PACSIN2: variants seen among roughly 807,000 people sequenced by gnomAD.
PACSIN2 encodes the protein protein kinase C and casein kinase substrate in neurons 2.
In PACSIN2, 25 loss-of-function variants were observed where a neutral mutation model predicts 63.8. That is an observed-to-expected ratio of 0.39 (90% CI 0.29 to 0.55). The LOEUF is 0.55. Among genes scored for constraint, PACSIN2 ranks in the 20% least tolerant of loss-of-function variants. PACSIN2 has a pLI of 0.62. For synonymous variants in PACSIN2, 255 were observed against 256.2 expected, an observed-to-expected ratio of 1.00 and a Z score of 0.05; for missense variants, 518 against 646.9, an observed-to-expected ratio of 0.80 and a Z score of 2.16.
Position 42,961,266 on chromosome 22 carries a change from TA to T in PACSIN2, c.-77-49110del, listed in dbSNP as rs752115968. 1.1e-4 allele frequency among the ~76,000 whole-genome samples: 17 copies of T among 152,290 alleles called. No individual in the cohort carries two copies. In the East Asian group the frequency reaches 2.7e-3, roughly 24 times the overall value. On this transcript the variant is annotated intron_variant, in intron 1 of 10. Transcript: ENST00000263246. ...TCTTACCTTATAACACAAAACGAAG[TA>T]GGTTAAAAATCTCTTTTGAAAATCT...
At chr22:42,974,784 G>T (rs560742536) in intron 1 of PACSIN2, among the ~76,000 whole-genome samples, 83 of 140,400 alleles carry the variant, frequency 5.9e-4, no homozygotes, top group African/African-American at 2.6e-3. Context: ...AAGAGAAGAA[G>T]GAGGAGGAGG....
chr22:42,957,578 G>A (rs1020715129), intron 1 of PACSIN2, among the ~76,000 whole-genome samples: 25 of 152,150 alleles, frequency 1.6e-4, no homozygotes, highest in African/African-American at 5.8e-4. Flanking sequence ...AATGATTCTG[G>A]AAAATTGTGA....
intron 1 of PACSIN2, among the ~76,000 whole-genome samples, chr22:42,971,117 G>A (rs971896020): frequency 2.0e-5 from 3 of 152,080 alleles, no homozygotes; most frequent in Non-Finnish European, 4.4e-5. Context: ...CTCCCTCCAC[G>A]GTCTCCCTCT....
At chr22:42,936,590 C>G (rs1026880304) in intron 1 of PACSIN2, among the ~76,000 whole-genome samples, 6 of 152,088 alleles carry the variant, frequency 3.9e-5, no homozygotes, top group Admixed American at 6.5e-5. Context: ...AGAAAAAAGA[C>G]TTTTACATAT....
chr22:42,931,516 A>T (rs1932776830), intron 1 of PACSIN2, among the ~76,000 whole-genome samples: 1 of 152,180 alleles, frequency 6.6e-6, no homozygotes, highest in Non-Finnish European at 1.5e-5. Flanking sequence ...GTAGTGGAGG[A>T]ACACAGTCAG....
intron 6 of PACSIN2, among the ~76,000 whole-genome samples, chr22:42,883,431 A>G (rs557003056): frequency 8.5e-5 from 13 of 152,244 alleles, no homozygotes; most frequent in African/African-American, 3.1e-4. Context: ...CCCGTGACGC[A>G]TCCCTACACG....
At chr22:43,013,072 G>A (rs1398445280) in intron 1 of PACSIN2, among the ~76,000 whole-genome samples, 6 of 152,208 alleles carry the variant, frequency 3.9e-5, no homozygotes, top group African/African-American at 1.2e-4. Flanking sequence ...GATCCCAGGC[G>A]TGAGCCACCC....
chr22:42,949,345 C>T (rs972737324), intron 1 of PACSIN2, among the ~76,000 whole-genome samples: 1 of 152,156 alleles, frequency 6.6e-6, no homozygotes, highest in South Asian at 2.1e-4. Flanking sequence ...CCACCCCACA[C>T]AGGGAGGATA....
chr22:43,010,428 G>A (rs1340476805), intron 1 of PACSIN2, among the ~76,000 whole-genome samples: 8 of 105,250 alleles, frequency 7.6e-5, no homozygotes, highest in Non-Finnish European at 9.4e-5. Flanking sequence ...AAAAAAGACC[G>A]GCCAGGCACG....
chr22:42,910,614 CTG>C (rs1303601412), intron 2 of PACSIN2, among the ~76,000 whole-genome samples: 2 of 152,208 alleles, frequency 1.3e-5, no homozygotes, highest in African/African-American at 2.4e-5. Context: ...TCCTGCCATG[CTG>C]TGAGATGTGG....
At chr22:43,001,282 A>G (rs1378059379) in intron 1 of PACSIN2, among the ~76,000 whole-genome samples, 1 of 152,204 alleles carries the variant, frequency 6.6e-6, no homozygotes, top group Non-Finnish European at 1.5e-5. Flanking sequence ...AAAAGCTCTA[A>G]GGATGACCAG....
At chr22:42,999,895 TG>T (rs769588178) in intron 1 of PACSIN2, among the ~76,000 whole-genome samples, 1 of 152,240 alleles carries the variant, frequency 6.6e-6, no homozygotes, top group Non-Finnish European at 1.5e-5. Flanking sequence ...CAAGGCAAGA[TG>T]GTTGGCAGGC....
intron 1 of PACSIN2, among the ~76,000 whole-genome samples, chr22:42,988,219 G>A (rs1312258722): frequency 3.3e-5 from 5 of 151,794 alleles, no homozygotes; most frequent in Non-Finnish European, 7.3e-5. Flanking sequence ...GTTTGTCCCA[G>A]GCACCAAAGA....
At chr22:42,919,651 T>C (rs370977177) in intron 1 of PACSIN2, among the ~76,000 whole-genome samples, 10 of 151,568 alleles carry the variant, frequency 6.6e-5, no homozygotes, top group African/African-American at 2.4e-4. Flanking sequence ...CATGCGCCTG[T>C]AATCTCAGCT....
intron 1 of PACSIN2, among the ~76,000 whole-genome samples, chr22:42,928,087 G>T (rs1932651470): frequency 3.9e-5 from 6 of 152,136 alleles, no homozygotes; most frequent in Admixed American, 3.3e-4. Context: ...GAGAGTTGAA[G>T]AACCTCTGGA....
rs192486814 is a variant in PACSIN2, at chr22:42,885,160, G to A, written c.610-599C>T. ...CAAGGCAGGAAATGTTAAAAAGCAG[G>A]TGTGGCCTATCTCAAGAATATCCAG... On this transcript the variant is annotated intron_variant, in intron 5 of 10. Transcript: ENST00000263246. 8.3e-4 allele frequency among the ~76,000 whole-genome samples: 127 copies of A among 152,312 alleles called. 1 individual carries two copies. Among genetic ancestry groups the A allele is most frequent in the Non-Finnish European group, 1.2e-3 (84 of 68,034 alleles).
chr22:42,967,156 C>T (rs1183278976), intron 1 of PACSIN2, among the ~76,000 whole-genome samples: 1 of 151,972 alleles, frequency 6.6e-6, no homozygotes, highest in Non-Finnish European at 1.5e-5. Flanking sequence ...GGACAGGGGG[C>T]CAGGAAGAGA....
chr22:42,959,569 T>TAG (rs1231741019), intron 1 of PACSIN2: 9 of 152,238 alleles, frequency 5.9e-5, no homozygotes, highest in African/African-American at 2.2e-4. Context: ...ATCAAACACT[T>TAG]ACTCTGACAT....
At position 42,871,288 on chromosome 22, in the gene PACSIN2, T is replaced by C. The variant is rs1928091159; in HGVS notation, c.*69A>G. On this transcript the variant is annotated 3_prime_UTR_variant, in exon 11 of 11. Transcript: ENST00000263246. This position sits in a 1 kb window ranked among gnomAD's most constrained non-coding sequence, Gnocchi z 5.4. ...CATCTCTTGCAGGAAAAGGAGTGGA[T>C]GCCCACGTGGCTGGCTGAGGCTCCT... is the stretch of plus-strand genomic sequence containing the variant. 1.1e-6 allele frequency: 1 copy of C among 902,958 alleles called. No individual in the cohort carries two copies. Among genetic ancestry groups the C allele is most frequent in the Admixed American group, 1.7e-5 (1 of 58,144 alleles). 55.9% of individuals were successfully genotyped at this position (902,958 alleles called of 1,614,324 possible).
Sources: allele counts gnomAD v4.1 joint callset (sites outside exome capture counted in the v4.1 genomes callset), GRCh38; gene constraint gnomAD v4.1.1; non-coding constraint Gnocchi (gnomAD v3.1); transcripts MANE v1.5; gene names NCBI Gene and HGNC (gene_info 2026-07-23, HGNC 2026-07-21).